Variants in HNRNPH1 observed in about 807,000 individuals in gnomAD.
HNRNPH1 encodes heterogeneous nuclear ribonucleoprotein H1.
In HNRNPH1, 4 loss-of-function variants were observed where a neutral mutation model predicts 58.6. That is an observed-to-expected ratio of 0.07 (90% CI 0.03 to 0.16). HNRNPH1 has a LOEUF of 0.16. Among genes scored for constraint, HNRNPH1 ranks in the 10% least tolerant of loss-of-function variants. HNRNPH1 has a pLI of 1.00. For synonymous variants in HNRNPH1, 192 were observed against 189.2 expected (o/e 1.01, Z -0.12); for missense variants, 271 against 564.2 (o/e 0.48, Z 5.26).
chr5:179,626,400 C>T (rs769810824), upstream of HNRNPH1, among the ~76,000 whole-genome samples: 6 of 151,530 alleles, frequency 4.0e-5, no homozygotes, highest in Admixed American at 2.0e-4. Context: ...CCACCATGCT[C>T]GGCCAAAGGT....
chr5:179,625,287 G>T (rs1242105782), upstream of HNRNPH1, among the ~76,000 whole-genome samples: 1 of 152,110 alleles, frequency 6.6e-6, no homozygotes, highest in Non-Finnish European at 1.5e-5. Flanking sequence ...CTTGAGATCA[G>T]GAGTTTCAGA....
At chr5:179,630,523 G>A (rs1774742174) in intron 2 of HNRNPH1, among the ~76,000 whole-genome samples, 1 of 152,156 alleles carries the variant, frequency 6.6e-6, no homozygotes, top group Non-Finnish European at 1.5e-5. Flanking sequence ...GTAATTAAGA[G>A]AGCTGGAAAG....
At chr5:179,617,070 T>G in exon 9 of HNRNPH1, 1 of 1,614,156 alleles carries the variant, frequency 6.2e-7, no homozygotes. Flanking sequence ...CACCGCTTGC[T>G]CCTGCTGTAG....
intron 10 of HNRNPH1, 75 bp from the exon 12 acceptor site, chr5:179,616,293 T>C: frequency 8.8e-7 from 1 of 1,138,854 alleles, no homozygotes; most frequent in East Asian, 2.3e-5. Context: ...CTTGTAATTC[T>C]ATAGCTATCA....
At chr5:179,615,897 C>A (rs1769319944) in intron 11 of HNRNPH1, 1 of 532,550 alleles carries the variant, frequency 1.9e-6, no homozygotes, top group South Asian at 2.8e-5. Flanking sequence ...CTTCCCCCTC[C>A]CAATGATTGT....
Position 179,618,726 on chromosome 5 carries a change from G to A in HNRNPH1, c.537-403C>T, listed in dbSNP as rs187681856. Reference sequence around the variant, plus strand: ...CAGCCCACACTACACATTTCCTTTCGCCAATAAATACCCCAGCCTATGCTT... The same window carrying A: ...CAGCCCACACTACACATTTCCTTTCACCAATAAATACCCCAGCCTATGCTT... On this transcript the variant is annotated intron_variant, in intron 4 of 12. Coordinates refer to ENST00000356731, the Ensembl canonical transcript of HNRNPH1. 21 of 165,798 alleles carry A rather than the reference G, an allele frequency of 1.3e-4. No individual in the cohort carries two copies. The East Asian group carries it at 1.8e-3, about 14-fold the overall frequency. 10.3% of individuals were successfully genotyped at this position (165,798 alleles called of 1,614,324 possible).
At chr5:179,624,558 G>C (rs775031302) in exon 1 of HNRNPH1, 6 of 398,648 alleles carry the variant, frequency 1.5e-5, no homozygotes, top group East Asian at 3.6e-5. Flanking sequence ...AGCAGAATTG[G>C]TAAGAGTGCG....
At chr5:179,625,968 T>TTATTTTC, upstream of HNRNPH1, among the ~76,000 whole-genome samples, 1 of 152,146 alleles carries the variant, frequency 6.6e-6, no homozygotes, top group East Asian at 1.9e-4. Context: ...TATTTATTTT[T>TTATTTTC]TGTAGCAATG....
chr5:179,626,196 T>C (rs6876679), upstream of HNRNPH1, among the ~76,000 whole-genome samples: 56,216 of 151,596 alleles, frequency 0.37, 11,411 homozygotes, highest in East Asian at 0.72. Context: ...CTCTGCCTCC[T>C]AGGTTCAAGC....
At chr5:179,630,994 A>T (rs994750694) in intron 2 of HNRNPH1, among the ~76,000 whole-genome samples, 2 of 152,174 alleles carry the variant, frequency 1.3e-5, no homozygotes, top group Non-Finnish European at 2.9e-5. Context: ...CATACATTCC[A>T]TTCCTACTTT....
intron 3 of HNRNPH1, 60 bp from the exon 5 acceptor site, chr5:179,619,467 A>G: frequency 6.7e-7 from 1 of 1,494,306 alleles, no homozygotes; most frequent in Non-Finnish European, 9.2e-7. Context: ...CAAGCCCAGA[A>G]ATGATTCTTC....
At chr5:179,619,116 G>C (rs1771136635) in intron 4 of HNRNPH1, 153 bp downstream of exon 5, 1 of 651,870 alleles carries the variant, frequency 1.5e-6, no homozygotes, top group Non-Finnish European at 2.5e-6. Context: ...TAGTTTGCGT[G>C]TAACGTGGGA....
chr5:179,616,599 T>C (rs1769832921), intron 10 of HNRNPH1: 1 of 522,676 alleles, frequency 1.9e-6, no homozygotes, highest in Non-Finnish European at 3.4e-6. Context: ...GTTTTGCTAT[T>C]GATTTAAACT....
At chr5:179,618,251 G>T in exon 5 of HNRNPH1, 2 of 1,614,064 alleles carry the variant, frequency 1.2e-6, no homozygotes, top group Non-Finnish European at 8.5e-7. Flanking sequence ...GCCGCTGCAT[G>T]GCCATAAGCT....
Position 179,614,891 on chromosome 5 carries a change from T to A in HNRNPH1, c.*69A>T. ...CTGGACATGCTAGACAACCCTCCCA[T>A]TCCGTTCACGCCCATAGATGCACGG... On this transcript the variant is annotated 3_prime_UTR_variant, in exon 13 of 13. Transcript: ENST00000356731. 1.9e-6 allele frequency: 3 copies of A among 1,548,460 alleles called. No individual in the cohort carries two copies. The South Asian group carries it at 3.6e-5, about 18-fold the overall frequency.
chr5:179,632,546 C>A (rs1774931490), intron 2 of HNRNPH1, among the ~76,000 whole-genome samples: 1 of 152,184 alleles, frequency 6.6e-6, no homozygotes, highest in Admixed American at 6.5e-5. Flanking sequence ...GCGGCGGAAA[C>A]AAAGGCGTCC....
intron 2 of HNRNPH1, chr5:179,633,955 CAAAG>C (rs1039631125): frequency 1.3e-4 from 9 of 70,326 alleles, no homozygotes; most frequent in Admixed American, 7.9e-4. Flanking sequence ...AATAAAATAA[CAAAG>C]TAAGCAGTAA....
chr5:179,632,000 C>T (rs1006113592), intron 2 of HNRNPH1, among the ~76,000 whole-genome samples: 2 of 152,128 alleles, frequency 1.3e-5, no homozygotes, highest in African/African-American at 2.4e-5. Context: ...CTGCAAGCTG[C>T]GGAGACTTAA....
Position 179,623,095 on chromosome 5 carries a change from C to A in HNRNPH1, c.39G>T (p.Val13=). Residue 13 remains valine, a synonymous_variant, in exon 1 of 13, where the codon GTG becomes GTT. Coordinates refer to ENST00000356731, the Ensembl canonical transcript of HNRNPH1. Reference sequence around the variant, plus strand: ...AAGACCAGGGCAAGCCCCGGACCTTCACCACGAATCCCTCTCCACCTTCCG... The same window carrying A: ...AAGACCAGGGCAAGCCCCGGACCTTAACCACGAATCCCTCTCCACCTTCCG... 1.9e-6 allele frequency: 3 copies of A among 1,608,696 alleles called. No homozygotes were observed. The South Asian group carries it at 3.3e-5, about 18-fold the overall frequency.
Sources: allele counts gnomAD v4.1 joint callset (sites outside exome capture counted in the v4.1 genomes callset), GRCh38; gene constraint gnomAD v4.1.1; transcripts MANE v1.5; gene names NCBI Gene and HGNC (gene_info 2026-07-23, HGNC 2026-07-21).